GSK3A: variants seen among roughly 807,000 people sequenced by gnomAD.
GSK3A encodes the protein glycogen synthase kinase 3 alpha, also known as glycogen synthase kinase-3 alpha.
In GSK3A, 14 loss-of-function variants were observed where a neutral mutation model predicts 56.6. That is an observed-to-expected ratio of 0.25 (90% CI 0.16 to 0.39). The LOEUF (loss-of-function observed/expected upper bound fraction) is 0.39, where lower values mean the gene tolerates loss of function less well. GSK3A is among the 10% of genes least tolerant of loss of function. GSK3A has a pLI of 1.00. For missense variants in GSK3A, 450 were observed against 656.0 expected (o/e 0.69, Z 3.43); for synonymous variants, 301 against 285.0 (o/e 1.06, Z -0.56).
At chr19:42,238,146 G>T (rs1568466506) in intron 2 of GSK3A, among the ~76,000 whole-genome samples, 1 of 151,996 alleles carries the variant, frequency 6.6e-6, no homozygotes, top group Non-Finnish European at 1.5e-5. Flanking sequence ...GAGGCCAGGA[G>T]TTCGAGACCA....
chr19:42,242,224 C>G lies in GSK3A; in HGVS notation c.242G>C (p.Gly81Ala). The G allele has an allele frequency of 6.9e-7, 1 of 1,443,152 alleles. No individual in the cohort carries two copies. Among genetic ancestry groups the G allele is most frequent in the Non-Finnish European group, 9.1e-7 (1 of 1,102,914 alleles). 89.4% of individuals were successfully genotyped at this position (1,443,152 alleles called of 1,614,324 possible). Residue 81 changes from glycine (G) to alanine (A), a missense_variant, in exon 1 of 11, where the codon GGC becomes GCC. Coordinates refer to ENST00000222330, the MANE Select transcript of GSK3A (RefSeq NM_019884.3). ...GGGCGGCGGGAAGCTAGTGCCTGCGCCGGGGCCTCCGCTGCCTCCTCCGCC... is the reference window on the plus strand; with the variant it reads ...GGGCGGCGGGAAGCTAGTGCCTGCGGCGGGGCCTCCGCTGCCTCCTCCGCC... ...GSGGGGSGGP[G>A]AGTSFPPPGV...
At position 42,242,564 on chromosome 19, in the gene GSK3A, G is replaced by T; in HGVS notation, c.-99C>A. 2.1e-6 allele frequency: 2 copies of T among 939,182 alleles called. No homozygotes were observed. Among genetic ancestry groups the T allele is most frequent in the Non-Finnish European group, 1.3e-6 (1 of 759,804 alleles). 58.2% of individuals were successfully genotyped at this position (939,182 alleles called of 1,614,324 possible). Reference sequence around the variant, plus strand: ...TCCCCCGGGCCCTGGCCTCTTCCAGGCCGCGCCGCTCTGGCTTGGGCTCCG... The same window carrying T: ...TCCCCCGGGCCCTGGCCTCTTCCAGTCCGCGCCGCTCTGGCTTGGGCTCCG... On this transcript the variant is annotated 5_prime_UTR_variant, in exon 1 of 11. Transcript: ENST00000222330.
rs745851660 is a variant in GSK3A, at chr19:42,232,532, G to A, written c.1249C>T (p.Arg417Cys). 23 of 1,614,006 alleles carry A rather than the reference G, an allele frequency of 1.4e-5. No homozygotes were observed. Among genetic ancestry groups the A allele is most frequent in the African/African-American group, 2.7e-5 (2 of 74,894 alleles). The change falls in exon 9 of 11, where the codon CGC becomes TGC. Residue 417 changes from arginine (R) to cysteine (C), a missense_variant. Physicochemically the swap from Arg to Cys is radical, Grantham distance 180. This residue lies in a region of GSK3A where 113 missense variants were observed against 147.5 expected (regional missense o/e 0.77). Coordinates refer to ENST00000222330, the MANE Select transcript of GSK3A (RefSeq NM_019884.3). ...AAGTTGAAGAGAGGGGGAAGTGGGCGGTTGTTAGGCAGCTGGGTTCCCAGA... is the reference window on the plus strand; with the variant it reads ...AAGTTGAAGAGAGGGGGAAGTGGGCAGTTGTTAGGCAGCTGGGTTCCCAGA... ...RCLGTQLPNN[R>C]PLPPLFNFSA...
chr19:42,239,091 C>CT (rs2036276271), intron 2 of GSK3A, among the ~76,000 whole-genome samples: 1 of 152,184 alleles, frequency 6.6e-6, no homozygotes, highest in Non-Finnish European at 1.5e-5. Context: ...TCCTCGAACT[C>CT]TATCTAGGAT....
Position 42,240,145 on chromosome 19 carries a change from G to A in GSK3A, c.284-3C>T. The A allele has an allele frequency of 6.2e-7, 1 of 1,613,462 alleles. No individual in the cohort carries two copies. The highest frequency in any genetic ancestry group is 8.5e-7 in the Non-Finnish European group (1 of 1,179,410). On this transcript the variant is annotated splice_region_variant and splice_polypyrimidine_tract_variant and intron_variant, in intron 1 of 10. Transcript: ENST00000222330. ...TGTGGTCACCTTCCCGCTGTCACCT[G>A]GGGAACAAAGGGGATACACGATCCA... is the stretch of plus-strand genomic sequence containing the variant.
chr19:42,236,785 G>T, intron 3 of GSK3A, 69 bp from the exon 4 acceptor site: 1 of 1,475,988 alleles, frequency 6.8e-7, no homozygotes, highest in Non-Finnish European at 9.5e-7. Context: ...AGGTATGCAG[G>T]GAGCAGTGGG....
intron 2 of GSK3A, among the ~76,000 whole-genome samples, chr19:42,238,630 AAAG>A (rs1371392702): frequency 6.7e-6 from 1 of 148,420 alleles, no homozygotes; most frequent in Non-Finnish European, 1.5e-5. Context: ...AAAAAAAAAA[AAAG>A]ATTTCACATC....
chr19:42,237,688 T>TGA (rs943672421), intron 2 of GSK3A, among the ~76,000 whole-genome samples: 1 of 148,282 alleles, frequency 6.7e-6, no homozygotes, highest in African/African-American at 2.5e-5. Flanking sequence ...CCATCCTGGT[T>TGA]AACACGGTGA....
Position 42,234,325 on chromosome 19 carries a change from C to T in GSK3A, c.904+28G>A, listed in dbSNP as rs779230727. ...CTCCAAAACTTCCCAGATTGCCACT[C>T]CCCCCGCCACCCTCCCATAACTCTG... On this transcript the variant is annotated intron_variant, in intron 6 of 10. Coordinates refer to ENST00000222330, the MANE Select transcript of GSK3A (RefSeq NM_019884.3). This position sits in a 1 kb window ranked among gnomAD's most constrained non-coding sequence, Gnocchi z 5.7. The T allele has an allele frequency of 2.6e-6, 4 of 1,545,302 alleles. No individual in the cohort carries two copies. The highest frequency in any genetic ancestry group is 3.6e-6 in the Non-Finnish European group (4 of 1,117,824).
chr19:42,242,148 A>G (rs2036296395), intron 1 of GSK3A, 35 bp downstream of exon 1: 1 of 1,321,658 alleles, frequency 7.6e-7, no homozygotes, highest in Non-Finnish European at 9.6e-7. Flanking sequence ...TGGGAACCCT[A>G]ATCACCACCC....
chr19:42,239,216 C>G (rs1599813257), intron 2 of GSK3A, among the ~76,000 whole-genome samples: 1 of 152,216 alleles, frequency 6.6e-6, no homozygotes, highest in African/African-American at 2.4e-5. Context: ...ATCCCTCTTA[C>G]TTCTGGAACT....
rs851609 is a variant in GSK3A at position 42,232,115 on chromosome 19, G to A, written c.1320C>T (p.Leu440=). ...CTGGGGACCTCAAGTGAGGAGGGAT[G>A]AGAATGGCGTTGAGAGACGGTTGGA... The part of the protein sequence containing the change: ...LSIQPSLNAI[L]IPPHLRSPAG... The change falls in exon 10 of 11, where the codon CTC becomes CTT. Residue 440 remains leucine, a synonymous_variant. Coordinates refer to ENST00000222330, the MANE Select transcript of GSK3A (RefSeq NM_019884.3). 721 of 1,608,854 alleles carry A rather than the reference G, an allele frequency of 4.5e-4. No individual in the cohort carries two copies. Among genetic ancestry groups the A allele is most frequent in the Non-Finnish European group, 5.6e-4 (655 of 1,176,066 alleles).
At chr19:42,236,307 G>A (rs961398678) in intron 4 of GSK3A, among the ~76,000 whole-genome samples, 1 of 152,172 alleles carries the variant, frequency 6.6e-6, no homozygotes, top group Non-Finnish European at 1.5e-5. Flanking sequence ...CTTATCCTGA[G>A]CTAACTCCAA....
chr19:42,233,671 C>T (rs1216693813), intron 6 of GSK3A, among the ~76,000 whole-genome samples: 2 of 152,138 alleles, frequency 1.3e-5, no homozygotes, highest in Non-Finnish European at 1.5e-5. Context: ...CAAATTAGGC[C>T]CAAACCTGCC....
chr19:42,232,721 C>T, intron 8 of GSK3A, 39 bp from the exon 9 acceptor site: 1 of 1,470,352 alleles, frequency 6.8e-7, no homozygotes, highest in Non-Finnish European at 9.2e-7. Flanking sequence ...GTGAGATGCC[C>T]TGGACACTGG....
chr19:42,240,087 G>A lies in GSK3A; in HGVS notation c.339C>T (p.Arg113=), dbSNP rs763593586. Residue 113 remains arginine (R), a synonymous_variant, in exon 2 of 11, where the codon CGC becomes CGT. Coordinates refer to ENST00000222330, the MANE Select transcript of GSK3A (RefSeq NM_019884.3). The part of the protein sequence containing the change: ...VVATLGQGPE[R]SQEVAYTDIK... Reference sequence around the variant, plus strand: ...TGTCCGTGTAAGCCACTTCTTGGGAGCGCTCTGGGCCTTGGCCTAGAGTGG... The same window carrying A: ...TGTCCGTGTAAGCCACTTCTTGGGAACGCTCTGGGCCTTGGCCTAGAGTGG... 6.2e-7 allele frequency: 1 copy of A among 1,614,130 alleles called. No individual in the cohort carries two copies. The highest frequency in any genetic ancestry group is 1.1e-5 in the South Asian group (1 of 91,082).
chr19:42,241,482 C>G (rs1048651860), intron 1 of GSK3A: 1 of 152,180 alleles, frequency 6.6e-6, no homozygotes, highest in Non-Finnish European at 1.5e-5. Context: ...AAAGGAGACA[C>G]ACCAAGCCAT....
Position 42,234,016 on chromosome 19 carries a change from G to C in GSK3A, c.904+337C>G, listed in dbSNP as rs1039364650. 4.6e-5 allele frequency among the ~76,000 whole-genome samples: 7 copies of C among 152,106 alleles called. No individual in the cohort carries two copies. The highest frequency in any genetic ancestry group is 3.2e-3 in the Middle Eastern group (1 of 316). On this transcript the variant is annotated intron_variant, in intron 6 of 10. Transcript: ENST00000222330. The surrounding 1 kb of genome is among the most constrained non-coding windows in gnomAD (Gnocchi z 5.7). ...TGCACCTTCATGGTGGCAAAGCCTTGCTTCCCGGTTCCCCCAAGGTCTCCA... is the reference window on the plus strand; with the variant it reads ...TGCACCTTCATGGTGGCAAAGCCTTCCTTCCCGGTTCCCCCAAGGTCTCCA...
At chr19:42,241,003 T>G (rs77239502) in intron 1 of GSK3A, 2 of 143,568 alleles carry the variant, frequency 1.4e-5, no homozygotes, top group Admixed American at 6.9e-5. Flanking sequence ...CATTTTTTTG[T>G]TTTTTTTTTT....
Sources: allele counts gnomAD v4.1 joint callset (sites outside exome capture counted in the v4.1 genomes callset), GRCh38; gene constraint gnomAD v4.1.1; regional missense constraint gnomAD v4.1.1; non-coding constraint Gnocchi (gnomAD v3.1); transcripts MANE v1.5; gene names NCBI Gene and HGNC (gene_info 2026-07-23, HGNC 2026-07-21).